SMIM36: variants seen among roughly 807,000 people sequenced by gnomAD.
The protein encoded by SMIM36 is small integral membrane protein 36.
chr17:55,470,827 A>G (rs1361653688), intron 3 of SMIM36, among the ~76,000 whole-genome samples: 1 of 151,986 alleles, frequency 6.6e-6, no homozygotes, highest in African/African-American at 2.4e-5. Context: ...CTCAACACCA[A>G]TATCCCATCC....
intron 4 of SMIM36, among the ~76,000 whole-genome samples, chr17:55,452,102 C>CAAA (rs1156887430): frequency 2.4e-3 from 122 of 51,196 alleles, no homozygotes; most frequent in Admixed American, 4.6e-3. Context: ...TCAATCTCTA[C>CAAA]AAAAAAAAAA....
the SMIM36 span, among the ~76,000 whole-genome samples, chr17:55,522,902 G>A: frequency 2.0e-5 from 3 of 152,244 alleles, no homozygotes; most frequent in South Asian, 6.2e-4. Context: ...AGCATGGCAG[G>A]CACATTCTAA....
chr17:55,466,052 C>A (rs757941560), intron 4 of SMIM36, among the ~76,000 whole-genome samples: 1 of 151,786 alleles, frequency 6.6e-6, no homozygotes, highest in Non-Finnish European at 1.5e-5. Flanking sequence ...CCGAGGTGGG[C>A]GGATCACCTG....
intron 4 of SMIM36, among the ~76,000 whole-genome samples, chr17:55,454,994 A>G (rs1229548417): frequency 2.0e-5 from 3 of 152,210 alleles, no homozygotes; most frequent in Non-Finnish European, 1.5e-5. Context: ...ATAGTCTTAG[A>G]GAGAACTATC....
chr17:55,526,727 G>T, the SMIM36 span, among the ~76,000 whole-genome samples: 3 of 152,002 alleles, frequency 2.0e-5, no homozygotes, highest in Non-Finnish European at 2.9e-5. Flanking sequence ...GACATTCTTT[G>T]GGCGACAACA....
intron 4 of SMIM36, among the ~76,000 whole-genome samples, chr17:55,460,132 TTAAAAACA>T (rs1365082603): frequency 1.3e-5 from 2 of 151,976 alleles, no homozygotes; most frequent in African/African-American, 4.8e-5. Context: ...TCCATAGATC[TTAAAAACA>T]TAATGCTGGC....
At chr17:55,501,394 TTATATATTATTATATATTATAA>T (rs1909966985) in intron 1 of SMIM36, among the ~76,000 whole-genome samples, 1 of 53,510 alleles carries the variant, frequency 1.9e-5, no homozygotes, top group African/African-American at 9.6e-5. Flanking sequence ...ATATAATATA[TTATATATTATTATATATTATAA>T]AATATAATAT....
At chr17:55,505,859 A>G (rs1431910178) in intron 1 of SMIM36, among the ~76,000 whole-genome samples, 1 of 112,464 alleles carries the variant, frequency 8.9e-6, no homozygotes. Flanking sequence ...CCTTAAGCTG[A>G]TAAGCAACTT....
intron 3 of SMIM36, among the ~76,000 whole-genome samples, chr17:55,474,888 G>C (rs1771397788): frequency 6.6e-6 from 1 of 152,148 alleles, no homozygotes; most frequent in African/African-American, 2.4e-5. Context: ...GGAAAACTTA[G>C]AACTTTGTGT....
chr17:55,530,778 G>T, the SMIM36 span, among the ~76,000 whole-genome samples: 1 of 145,554 alleles, frequency 6.9e-6, no homozygotes, highest in Admixed American at 6.6e-5. Flanking sequence ...GCTAGACTCC[G>T]CCTCAAAAAA....
chr17:55,526,676 T>A, the SMIM36 span, among the ~76,000 whole-genome samples: 1 of 152,192 alleles, frequency 6.6e-6, no homozygotes, highest in African/African-American at 2.4e-5. Context: ...TTTTGGATGA[T>A]CATGGAGTTT....
At chr17:55,463,102 C>T (rs1034874782) in intron 4 of SMIM36, among the ~76,000 whole-genome samples, 2 of 152,114 alleles carry the variant, frequency 1.3e-5, no homozygotes, top group African/African-American at 4.8e-5. Context: ...ATAACTGCCC[C>T]CCACCCCTTA....
chr17:55,451,425 G>A (rs1292948653), intron 4 of SMIM36, among the ~76,000 whole-genome samples: 1 of 152,134 alleles, frequency 6.6e-6, no homozygotes, highest in African/African-American at 2.4e-5. Context: ...CTTTCCCCAT[G>A]GCTCTTCCTG....
At chr17:55,489,761 T>C (rs1909669231) in intron 1 of SMIM36, among the ~76,000 whole-genome samples, 1 of 152,256 alleles carries the variant, frequency 6.6e-6, no homozygotes, top group South Asian at 2.1e-4. Context: ...CTGTAAATTT[T>C]GCACATCTAT....
chr17:55,514,791 T>C (rs1910239955), upstream of SMIM36, among the ~76,000 whole-genome samples: 1 of 152,210 alleles, frequency 6.6e-6, no homozygotes, highest in African/African-American at 2.4e-5. Context: ...TAGAGTTTAT[T>C]ACTTAAAACA....
intron 1 of SMIM36, among the ~76,000 whole-genome samples, chr17:55,487,434 G>A (rs1909627199): frequency 6.6e-6 from 1 of 152,186 alleles, no homozygotes; most frequent in African/African-American, 2.4e-5. Flanking sequence ...TCCTAATCCA[G>A]AGTGGTGGGG....
chr17:55,458,583 T>C (rs1447156631), intron 4 of SMIM36: 3 of 111,838 alleles, frequency 2.7e-5, no homozygotes, highest in African/African-American at 1.0e-4. Flanking sequence ...CCCCGCCCCG[T>C]ACCACACACA....
chr17:55,464,682 A>ATTACATAGTCACAAAG (rs1302917691), intron 4 of SMIM36, among the ~76,000 whole-genome samples: 2 of 152,186 alleles, frequency 1.3e-5, no homozygotes, highest in African/African-American at 2.4e-5. Context: ...AGTTATAGGG[A>ATTACATAGTCACAAAG]TTACATAGTC....
At position 55,467,136 on chromosome 17, in the gene SMIM36, T is replaced by C. The variant is rs1909253612; in HGVS notation, c.*531+9A>G. On this transcript the variant is annotated intron_variant, in intron 4 of 4. Transcript: ENST00000636752. ...ATAGAAACACAAAGGATGAGGCAAA[T>C]ATACTTACACAGTGTTTGTTATAAT... The C allele has an allele frequency of 6.6e-6, 1 of 152,134 alleles. No homozygotes were observed. Among genetic ancestry groups the C allele is most frequent in the Non-Finnish European group, 1.5e-5 (1 of 68,028 alleles). 9.4% of individuals were successfully genotyped at this position (152,134 alleles called of 1,614,324 possible).
Sources: allele counts gnomAD v4.1 joint callset (sites outside exome capture counted in the v4.1 genomes callset), GRCh38; gene constraint gnomAD v4.1.1; transcripts MANE v1.5; gene names NCBI Gene and HGNC (gene_info 2026-07-23, HGNC 2026-07-21).